Variants in SAMD12 observed in about 807,000 individuals in gnomAD.
The protein encoded by SAMD12 is sterile alpha motif domain containing 12, also known as sterile alpha motif domain-containing protein 12.
SAMD12 carries 9 observed loss-of-function variants against 15.0 expected under a neutral mutation model. The ratio of observed to expected loss-of-function variants is 0.60; its 90% CI spans 0.36 to 1.05. SAMD12 has a LOEUF of 1.05. Among genes scored for constraint, SAMD12 ranks in the 50% least tolerant of loss-of-function variants. The probability of loss-of-function intolerance (pLI) is 0.01; values close to 1 mark genes in which losing one functional copy is unlikely to be tolerated. For synonymous variants in SAMD12, 86 were observed against 90.1 expected (o/e 0.96, Z 0.25); for missense variants, 230 against 234.2 (o/e 0.98, Z 0.12).
At chr8:118,140,590 T>G in the SAMD12 span, among the ~76,000 whole-genome samples, 1 of 152,144 alleles carries the variant, frequency 6.6e-6, no homozygotes, top group African/African-American at 2.4e-5. Flanking sequence ...TCTTATGTAT[T>G]GTTATATTTC....
intron 2 of SAMD12, among the ~76,000 whole-genome samples, chr8:118,566,070 C>T (rs1826838091): frequency 6.6e-6 from 1 of 152,198 alleles, no homozygotes; most frequent in Non-Finnish European, 1.5e-5. Context: ...TTATAAGTCC[C>T]TCCTCTGTGT....
At chr8:118,162,001 A>G in the SAMD12 span, among the ~76,000 whole-genome samples, 1 of 151,666 alleles carries the variant, frequency 6.6e-6, no homozygotes, top group South Asian at 2.1e-4. Flanking sequence ...CTCTACTAAA[A>G]ATACAAAAAT....
intron 4 of SAMD12, among the ~76,000 whole-genome samples, chr8:118,352,242 T>C (rs1305862012): frequency 6.6e-6 from 1 of 151,892 alleles, no homozygotes; most frequent in Non-Finnish European, 1.5e-5. Flanking sequence ...GAAGAGGGAG[T>C]GGATTTACTG....
chr8:118,607,003 T>C (rs10282955), intron 1 of SAMD12, among the ~76,000 whole-genome samples: 217 of 152,204 alleles, frequency 1.4e-3, no homozygotes, highest in African/African-American at 5.1e-3. Flanking sequence ...CCCTACTCCA[T>C]AGGCAAGCAC....
the SAMD12 span, among the ~76,000 whole-genome samples, chr8:118,133,965 G>T: frequency 6.6e-6 from 1 of 152,224 alleles, no homozygotes; most frequent in East Asian, 1.9e-4. Flanking sequence ...GAAAATATTG[G>T]CTCTTTTATC....
At chr8:118,373,686 A>G (rs1340981877), downstream of SAMD12, among the ~76,000 whole-genome samples, 1 of 152,094 alleles carries the variant, frequency 6.6e-6, no homozygotes, top group Non-Finnish European at 1.5e-5. Context: ...TTCTTTTTTC[A>G]TCTTATAGGG....
chr8:118,589,222 G>T (rs975844507), intron 1 of SAMD12, among the ~76,000 whole-genome samples: 6 of 152,150 alleles, frequency 3.9e-5, no homozygotes, highest in Non-Finnish European at 7.3e-5. Context: ...TCACAAATCT[G>T]CCCACAGTAG....
chr8:118,584,922 T>TACACAC (rs141290440), intron 1 of SAMD12, among the ~76,000 whole-genome samples: 34 of 147,076 alleles, frequency 2.3e-4, no homozygotes, highest in East Asian at 8.1e-4. Flanking sequence ...CTTGTAGGTA[T>TACACAC]ACACACACAC....
chr8:118,447,857 C>A (rs900341661), intron 2 of SAMD12, among the ~76,000 whole-genome samples: 2 of 151,832 alleles, frequency 1.3e-5, no homozygotes, highest in African/African-American at 4.8e-5. Flanking sequence ...TCCCGAGTAG[C>A]TGGGGCTACA....
rs141427441 is a variant in SAMD12, at chr8:118,570,649, G to T, written c.192+10066C>A. ...TTTAATTCCATATCCTTGCTATCGT[G>T]AATAGTGCTGCAATGAACATACGTG... On this transcript the variant is annotated intron_variant, in intron 2 of 3. Transcript: ENST00000314727. Among the ~76,000 whole-genome samples the T allele has an allele frequency of 4.4e-3, 666 of 152,220 alleles. 4 individuals carry two copies. Among genetic ancestry groups the T allele is most frequent in the African/African-American group, 0.015 (635 of 41,510 alleles).
At chr8:118,321,974 T>G (rs1306030814) in intron 4 of SAMD12, among the ~76,000 whole-genome samples, 1 of 152,218 alleles carries the variant, frequency 6.6e-6, no homozygotes, top group Non-Finnish European at 1.5e-5. Flanking sequence ...TGCCACATTC[T>G]TCTTCCCCCA....
In SAMD12 at chr8:118,417,098, GT is replaced by G. The variant is rs201197837; in HGVS notation, c.322+22733del. ...GAATAGTTTTGTTTTTTGTTTTTTG[GT>G]TTTTTTTTTGAGACAGAGTATCTAT... On this transcript the variant is annotated intron_variant, in intron 3 of 3. Transcript: ENST00000314727. Among the ~76,000 whole-genome samples the G allele has an allele frequency of 2.3e-3, 336 of 148,072 alleles. 1 individual carries two copies. The highest frequency in any genetic ancestry group is 3.8e-3 in the Admixed American group (56 of 14,844).
chr8:118,196,898 C>T (rs562166425), exon 5 of SAMD12: 2 of 152,260 alleles, frequency 1.3e-5, no homozygotes, highest in Admixed American at 1.3e-4. Flanking sequence ...AACAAAGAAG[C>T]AAGCTAAGAT....
At chr8:118,313,910 T>C (rs1424727214) in intron 4 of SAMD12, among the ~76,000 whole-genome samples, 1 of 151,956 alleles carries the variant, frequency 6.6e-6, no homozygotes, top group Non-Finnish European at 1.5e-5. Flanking sequence ...TGTGTGTGTG[T>C]AGAGGGAGAG....
At chr8:118,490,042 G>A (rs892627288) in intron 2 of SAMD12, among the ~76,000 whole-genome samples, 4 of 152,058 alleles carry the variant, frequency 2.6e-5, no homozygotes, top group Non-Finnish European at 4.4e-5. Flanking sequence ...TATAGAAAAA[G>A]GCAGATAGGA....
In SAMD12 at chr8:118,453,940, T is replaced by C. The variant is rs921007890; in HGVS notation, c.193-13979A>G. Among the ~76,000 whole-genome samples, 15 of 152,270 alleles carry C rather than the reference T, an allele frequency of 9.9e-5. No homozygotes were observed. In the South Asian group the frequency reaches 1.2e-3, roughly 13 times the overall value. ...CTGTTTTTCCCAAAGATCTACCTCA[T>C]AGAGTTCTCTTTACCCCAGATTACA... is the stretch of plus-strand genomic sequence containing the variant. On this transcript the variant is annotated intron_variant, in intron 2 of 3. Transcript: ENST00000314727.
Position 118,378,352 on chromosome 8 carries a change from G to T in SAMD12, c.*1065C>A. The T allele has an allele frequency of 1.1e-6, 1 of 919,804 alleles. No individual in the cohort carries two copies. The highest frequency in any genetic ancestry group is 1.3e-6 in the Non-Finnish European group (1 of 770,374). 57.0% of individuals were successfully genotyped at this position (919,804 alleles called of 1,614,324 possible). A position where few individuals can be genotyped will look rare whatever the true frequency, so the allele number is the denominator to read the frequency against. ...TATTTCTATCTACTTCTTAAAAGAA[G>T]CTTAAAAGCCTATCAGTATTTCACA... On this transcript the variant is annotated 3_prime_UTR_variant, in exon 4 of 4. Transcript: ENST00000314727.
intron 4 of SAMD12, among the ~76,000 whole-genome samples, chr8:118,363,041 A>G (rs1818581699): frequency 6.6e-6 from 1 of 152,216 alleles, no homozygotes; most frequent in Non-Finnish European, 1.5e-5. Flanking sequence ...TTTGATAAGC[A>G]AGCTATTAAA....
At chr8:118,336,416 T>G (rs986557241) in intron 4 of SAMD12, among the ~76,000 whole-genome samples, 1 of 152,224 alleles carries the variant, frequency 6.6e-6, no homozygotes, top group Non-Finnish European at 1.5e-5. Context: ...AGAATTATCT[T>G]AATGAATTGA....
Sources: gnomAD v4.1 joint callset for allele counts (sites outside exome capture counted in the v4.1 genomes callset) on GRCh38, gnomAD v4.1.1 for gene constraint, MANE v1.5 for transcripts, NCBI Gene and HGNC (gene_info 2026-07-23, HGNC 2026-07-21) for gene names.